Variants in CAMK2B observed in about 807,000 individuals in gnomAD.
The protein encoded by CAMK2B is calcium/calmodulin-dependent protein kinase type II subunit beta.
In CAMK2B, 27 loss-of-function variants were observed where a neutral mutation model predicts 93.7. The ratio of observed to expected loss-of-function variants is 0.29; its 90% CI spans 0.21 to 0.40. CAMK2B has a LOEUF of 0.40. Ranked by LOEUF, CAMK2B falls within the 10% of genes least tolerant of loss-of-function variation. The probability of loss-of-function intolerance (pLI) is 1.00; values close to 1 mark genes in which losing one functional copy is unlikely to be tolerated. For missense variants in CAMK2B, 568 were observed against 895.8 expected, an observed-to-expected ratio of 0.63 and a Z score of 4.67; for synonymous variants, 374 against 358.8, an observed-to-expected ratio of 1.04 and a Z score of -0.48.
At chr7:44,263,700 G>T (rs1402454933) in intron 2 of CAMK2B, among the ~76,000 whole-genome samples, 2 of 152,228 alleles carry the variant, frequency 1.3e-5, no homozygotes, top group Non-Finnish European at 2.9e-5. Context: ...AAAGGATGGA[G>T]CAACTTATCT....
At chr7:44,253,520 A>G (rs1322725009) in intron 5 of CAMK2B, among the ~76,000 whole-genome samples, 1 of 152,194 alleles carries the variant, frequency 6.6e-6, no homozygotes, top group Non-Finnish European at 1.5e-5. Context: ...GCCTAAAAAG[A>G]GTTTTTAAAT....
intron 13 of CAMK2B, among the ~76,000 whole-genome samples, chr7:44,238,377 A>G (rs2096645501): frequency 2.0e-5 from 3 of 152,200 alleles, no homozygotes; most frequent in Admixed American, 2.0e-4. Context: ...GCTGTCTCTC[A>G]GCACTGTCCC....
intron 17 of CAMK2B, 75 bp downstream of exon 17, chr7:44,230,931 C>A: frequency 7.5e-7 from 1 of 1,340,606 alleles, no homozygotes; most frequent in South Asian, 1.3e-5. Flanking sequence ...TGACCCTGCC[C>A]AAGTCCCACC....
At chr7:44,243,556 C>A in intron 6 of CAMK2B, 29 bp from the exon 7 acceptor site, 1 of 1,589,006 alleles carries the variant, frequency 6.3e-7, no homozygotes, top group Non-Finnish European at 8.6e-7. Context: ...CACAAGGGTG[C>A]ATGTTGTTTA....
At chr7:44,228,466 G>A (rs2096541821) in intron 19 of CAMK2B, among the ~76,000 whole-genome samples, 1 of 152,122 alleles carries the variant, frequency 6.6e-6, no homozygotes, top group Non-Finnish European at 1.5e-5. Context: ...CAGCAGAGAG[G>A]GCCTAGGGGC....
In CAMK2B at chr7:44,217,354, C is replaced by T. The variant is rs962692817; in HGVS notation, c.*2171G>A. ...CCACCACCACACCGCGGACACCTAGCTAGCAGACCGGTGTGGCTTGCTCTT... is the reference window on the plus strand; with the variant it reads ...CCACCACCACACCGCGGACACCTAGTTAGCAGACCGGTGTGGCTTGCTCTT... On this transcript the variant is annotated 3_prime_UTR_variant, in exon 24 of 24. Transcript: ENST00000395749. 1 of 152,410 alleles carries T rather than the reference C, an allele frequency of 6.6e-6. No individual in the cohort carries two copies. Among genetic ancestry groups the T allele is most frequent in the Non-Finnish European group, 1.5e-5 (1 of 68,054 alleles). 9.4% of individuals were successfully genotyped at this position (152,410 alleles called of 1,614,324 possible). A position where few individuals can be genotyped will look rare whatever the true frequency, so the allele number is the denominator to read the frequency against.
Position 44,225,036 on chromosome 7 carries a change from C to T in CAMK2B, c.1597+1480G>A, listed in dbSNP as rs2096458577. Among the ~76,000 whole-genome samples, 1 of 152,142 alleles carries T rather than the reference C, an allele frequency of 6.6e-6. No individual in the cohort carries two copies. Among genetic ancestry groups the T allele is most frequent in the Non-Finnish European group, 1.5e-5 (1 of 67,990 alleles). On this transcript the variant is annotated intron_variant, in intron 20 of 23. Transcript: ENST00000395749. The surrounding 1 kb of genome is among the most constrained non-coding windows in gnomAD (Gnocchi z 5.0). ...CACAGCTCCTTCCTGCAGCCCCCTC[C>T]TCCCCAGCCAAGCTCAGGGAAGACT...
At chr7:44,269,917 C>T (rs1001700276) in intron 2 of CAMK2B, among the ~76,000 whole-genome samples, 3 of 152,138 alleles carry the variant, frequency 2.0e-5, no homozygotes, top group Admixed American at 2.0e-4. Context: ...GAGTCCTGCC[C>T]ACCACGTGGC....
chr7:44,261,280 G>C (rs977723095), intron 3 of CAMK2B, among the ~76,000 whole-genome samples: 1 of 152,258 alleles, frequency 6.6e-6, no homozygotes. Context: ...GCCCCTCTGA[G>C]CTGCCCCACC....
chr7:44,295,093 T>C (rs1787937215), intron 1 of CAMK2B, among the ~76,000 whole-genome samples: 2 of 152,226 alleles, frequency 1.3e-5, no homozygotes, highest in African/African-American at 4.8e-5. Context: ...GTCTGCAAAA[T>C]GGATTTGATG....
intron 2 of CAMK2B, among the ~76,000 whole-genome samples, chr7:44,274,153 C>G (rs1053801872): frequency 1.3e-5 from 2 of 152,178 alleles, no homozygotes; most frequent in Admixed American, 6.5e-5. Flanking sequence ...CTCAATAAAC[C>G]CTCCATGACC....
At chr7:44,304,089 A>C (rs1454100296) in intron 1 of CAMK2B, among the ~76,000 whole-genome samples, 1 of 152,238 alleles carries the variant, frequency 6.6e-6, no homozygotes, top group African/African-American at 2.4e-5. Flanking sequence ...GAATTCTGAC[A>C]CCACCAAATG....
At chr7:44,263,896 A>C (rs1412953873) in intron 2 of CAMK2B, 1 of 154,690 alleles carries the variant, frequency 6.5e-6, no homozygotes, top group African/African-American at 2.4e-5. Flanking sequence ...GGTAGCACCC[A>C]CATCCGAATA....
intron 17 of CAMK2B, 162 bp from the exon 18 acceptor site, chr7:44,229,663 GCCTGTGGTGGC>G (rs1364118883): frequency 4.0e-6 from 2 of 499,852 alleles, no homozygotes; most frequent in Non-Finnish European, 7.0e-6. Flanking sequence ...GGGGTCCTGG[GCCTGTGGTGGC>G]CGCAGCAGGT....
intron 1 of CAMK2B, among the ~76,000 whole-genome samples, chr7:44,324,128 C>T (rs1314343482): frequency 6.6e-6 from 1 of 152,254 alleles, no homozygotes; most frequent in Non-Finnish European, 1.5e-5. Context: ...AACACACCCC[C>T]ACACTCCTCC....
Position 44,242,658 on chromosome 7 carries a change from C to T in CAMK2B, c.602-4G>A, listed in dbSNP as rs200389446. The T allele has an allele frequency of 1.6e-4, 249 of 1,603,324 alleles. 3 individuals are homozygous for T. The South Asian group carries it at 1.9e-3, about 12-fold the overall frequency. On this transcript the variant is annotated splice_region_variant and splice_polypyrimidine_tract_variant and intron_variant, in intron 8 of 23. Transcript: ENST00000395749. Reference sequence around the variant, plus strand: ...AGCAGGATGTACAGGATCACCCCTGCGGATGGGGCCTGTGAGCACCGCAGC... The same window carrying T: ...AGCAGGATGTACAGGATCACCCCTGTGGATGGGGCCTGTGAGCACCGCAGC...
At chr7:44,234,617 C>T (rs1423504063) in intron 14 of CAMK2B, 22 bp downstream of exon 14, 1 of 1,613,744 alleles carries the variant, frequency 6.2e-7, no homozygotes, top group Admixed American at 1.7e-5. Flanking sequence ...CCCGGCACCA[C>T]AGGGCCCGGC....
chr7:44,315,232 A>G (rs1418886558), intron 1 of CAMK2B, among the ~76,000 whole-genome samples: 1 of 152,146 alleles, frequency 6.6e-6, no homozygotes, highest in Middle Eastern at 3.2e-3. Flanking sequence ...TAGATCTATT[A>G]TTTATTTTGA....
chr7:44,313,396 C>T (rs1794055225), intron 1 of CAMK2B, among the ~76,000 whole-genome samples: 1 of 151,972 alleles, frequency 6.6e-6, no homozygotes, highest in Non-Finnish European at 1.5e-5. Flanking sequence ...CCTCACACTG[C>T]AGTAATGGGA....
Sources: allele counts gnomAD v4.1 joint callset (sites outside exome capture counted in the v4.1 genomes callset), GRCh38; gene constraint gnomAD v4.1.1; non-coding constraint Gnocchi (gnomAD v3.1); transcripts MANE v1.5; gene names NCBI Gene and HGNC (gene_info 2026-07-23, HGNC 2026-07-21).